The following ABCA4 variants were observed in gnomAD, a reference collection of about 807,000 sequenced individuals.
ABCA4 encodes retinal-specific phospholipid-transporting ATPase ABCA4.
ABCA4 carries 196 observed loss-of-function variants against 263.7 expected under a neutral mutation model. The ratio of observed to expected loss-of-function variants is 0.74; its 90% CI spans 0.66 to 0.84. The LOEUF (loss-of-function observed/expected upper bound fraction) is 0.84. ABCA4 is among the 40% of genes least tolerant of loss of function. The probability of loss-of-function intolerance (pLI) is 0.00; values close to 1 mark genes in which losing one functional copy is unlikely to be tolerated. For synonymous variants in ABCA4, 1,133 were observed against 1,094.2 expected (o/e 1.04, Z -0.70); for missense variants, 2,792 against 2,855.1 (o/e 0.98, Z 0.50).
chr1:94,091,577 TCTCACA>T (rs1354136099), intron 6 of ABCA4, among the ~76,000 whole-genome samples: 48 of 109,086 alleles, frequency 4.4e-4, no homozygotes, highest in African/African-American at 5.2e-4. Context: ...GCAAACATCA[TCTCACA>T]CACACACACA....
At position 94,034,142 on chromosome 1, in the gene ABCA4, G is replaced by T. The variant is rs565448613; in HGVS notation, c.3863-2099C>A. The stretch of plus-strand genomic sequence containing the variant: ...CTGCACAAATGTTTCTTATGATTAG[G>T]CATAATTGAAATCTGTCAGTAACAA... On this transcript the variant is annotated intron_variant, in intron 26 of 49. Coordinates refer to ENST00000370225, the MANE Select transcript of ABCA4 (RefSeq NM_000350.3). Among the ~76,000 whole-genome samples, 33 of 152,206 alleles carry T rather than the reference G, an allele frequency of 2.2e-4. No homozygotes were observed. In the South Asian group the frequency reaches 4.4e-3, roughly 20 times the overall value.
At chr1:93,998,176 A>AAG (rs1418501734) in intron 47 of ABCA4, 66 bp from the exon 48 acceptor site, 1 of 1,610,706 alleles carries the variant, frequency 6.2e-7, no homozygotes, top group African/African-American at 1.3e-5. Flanking sequence ...ATCCCAAAAT[A>AAG]AGGAGTAGAC....
rs991772699 is a variant in ABCA4, at chr1:94,028,927, A to G, written c.4539+518T>C. On this transcript the variant is annotated intron_variant, in intron 30 of 49. Transcript: ENST00000370225. ...GTCTCAAAAAAAAAAAAAAAAAAAA[A>G]AAAGAAATTCAAACAATGGGATAAT... Among the ~76,000 whole-genome samples the G allele has an allele frequency of 5.4e-5, 8 of 146,812 alleles. No individual in the cohort carries two copies. In the East Asian group the frequency reaches 1.2e-3, roughly 21 times the overall value.
At chr1:94,037,117 C>T (rs754798261) in intron 25 of ABCA4, 28 bp downstream of exon 25, 1 of 1,611,104 alleles carries the variant, frequency 6.2e-7, no homozygotes, top group African/African-American at 1.3e-5. Context: ...TGGCACTTGA[C>T]AGAAACCAGC....
intron 18 of ABCA4, 119 bp downstream of exon 18, chr1:94,048,749 G>C: frequency 2.1e-6 from 2 of 942,132 alleles, no homozygotes; most frequent in Non-Finnish European, 3.4e-6. Flanking sequence ...CTTGTCCACA[G>C]AGAGAGTCAG....
rs374432993 is a variant in ABCA4, at chr1:94,060,227, A to T, written c.2160+310T>A. ...GGAAAGAGAAGACCACTTTAATTAC[A>T]CTATCACCCTGTGCAGGGCTCTGCT... On this transcript the variant is annotated intron_variant, in intron 14 of 49. Transcript: ENST00000370225. Among the ~76,000 whole-genome samples, 5 of 152,298 alleles carry T rather than the reference A, an allele frequency of 3.3e-5. No individual in the cohort carries two copies. In the South Asian group the frequency reaches 1.0e-3, roughly 32 times the overall value.
chr1:94,069,309 G>C (rs752115886), intron 11 of ABCA4, among the ~76,000 whole-genome samples: 2 of 152,216 alleles, frequency 1.3e-5, no homozygotes, highest in Non-Finnish European at 2.9e-5. Flanking sequence ...ATGTCCAGTA[G>C]AGGCAGAGAA....
chr1:94,018,074 C>G (rs1342453545), intron 36 of ABCA4, among the ~76,000 whole-genome samples: 2 of 152,174 alleles, frequency 1.3e-5, no homozygotes, highest in African/African-American at 4.8e-5. Context: ...AACATGATGC[C>G]TACCATCTTC....
chr1:94,009,094 C>T (rs1659479180), intron 40 of ABCA4, among the ~76,000 whole-genome samples: 1 of 152,078 alleles, frequency 6.6e-6, no homozygotes, highest in African/African-American at 2.4e-5. Context: ...CAGTCCTGGC[C>T]TCCTCATGTG....
In ABCA4 at chr1:94,010,793, G is replaced by A; in HGVS notation, c.5714+7C>T. The A allele has an allele frequency of 1.2e-6, 2 of 1,614,146 alleles. No individual in the cohort carries two copies. Among genetic ancestry groups the A allele is most frequent in the Non-Finnish European group, 1.7e-6 (2 of 1,180,022 alleles). On this transcript the variant is annotated splice_region_variant and intron_variant, in intron 40 of 49. Transcript: ENST00000370225. Reference sequence around the variant, plus strand: ...GCCCACTGGCCCAGGGTGTGGCATGGACGTACCATTGGGAGAGGAAGAAGT... The same window carrying A: ...GCCCACTGGCCCAGGGTGTGGCATGAACGTACCATTGGGAGAGGAAGAAGT...
intron 41 of ABCA4, 97 bp downstream of exon 41, chr1:94,008,654 T>C (rs1173464362): frequency 5.1e-6 from 8 of 1,554,818 alleles, no homozygotes; most frequent in Non-Finnish European, 7.1e-6. Flanking sequence ...CCAAATTGCT[T>C]GCATAAGCAT....
intron 1 of ABCA4, among the ~76,000 whole-genome samples, chr1:94,114,939 A>G (rs944275212): frequency 2.8e-4 from 42 of 152,240 alleles, no homozygotes; most frequent in African/African-American, 9.4e-4. Flanking sequence ...GGCAGAACTC[A>G]TAATAGGTGC....
intron 37 of ABCA4, 96 bp downstream of exon 37, chr1:94,015,643 C>G: frequency 1.9e-6 from 2 of 1,040,918 alleles, no homozygotes; most frequent in Non-Finnish European, 2.9e-6. Flanking sequence ...GTGCTACCAC[C>G]ACAGGACAGC....
At chr1:94,064,211 C>G (rs561607729) in intron 11 of ABCA4, among the ~76,000 whole-genome samples, 1 of 152,286 alleles carries the variant, frequency 6.6e-6, no homozygotes, top group Non-Finnish European at 1.5e-5. Flanking sequence ...AGAGCCTGGT[C>G]GACTCTAGGA....
At chr1:94,108,739 A>ATTTT (rs1333665831) in intron 3 of ABCA4, 23 bp from the exon 4 acceptor site, 1 of 1,613,244 alleles carries the variant, frequency 6.2e-7, no homozygotes, top group East Asian at 2.2e-5. Flanking sequence ...AGCCTCATTA[A>ATTTT]TAAGGAAATA....
chr1:94,056,904 C>T, intron 14 of ABCA4, 82 bp from the exon 15 acceptor site: 1 of 1,142,358 alleles, frequency 8.8e-7, no homozygotes, highest in Non-Finnish European at 1.3e-6. Flanking sequence ...CTCTCTCCCA[C>T]CAGCCTGCAG....
chr1:94,019,160 C>T (rs1002827920), intron 36 of ABCA4, among the ~76,000 whole-genome samples: 4 of 151,122 alleles, frequency 2.6e-5, no homozygotes, highest in African/African-American at 9.7e-5. Context: ...GACCCTACCA[C>T]AGGGAAAGTT....
In ABCA4 at chr1:94,056,621, C is replaced by T. The variant is rs149214080; in HGVS notation, c.2362G>A (p.Ala788Thr). 6.2e-5 allele frequency: 100 copies of T among 1,613,056 alleles called. No homozygotes were observed. The African/African-American group carries it at 6.9e-4, about 11-fold the overall frequency. The part of the protein sequence containing the change: ...LCFAWQDRMT[A>T]ELKKAVSLLS... ...CTCACCACAGCCTTCTTCAGCTCAGCGGTCATGCGGTCCTGCCAGGCGAAG... is the reference window on the plus strand; with the variant it reads ...CTCACCACAGCCTTCTTCAGCTCAGTGGTCATGCGGTCCTGCCAGGCGAAG... The change falls in exon 15 of 50, where the codon GCT (alanine) becomes ACT (threonine). Residue 788 changes from alanine (A) to threonine (T), a missense_variant. Transcript: ENST00000370225.
At chr1:93,998,138 G>C in intron 47 of ABCA4, 28 bp from the exon 48 acceptor site, 2 of 1,613,962 alleles carry the variant, frequency 1.2e-6, no homozygotes, top group African/African-American at 1.3e-5. Flanking sequence ...TGCAGGACAG[G>C]CCTCTGTTAG....
Sources: allele counts gnomAD v4.1 joint callset (sites outside exome capture counted in the v4.1 genomes callset), GRCh38; gene constraint gnomAD v4.1.1; transcripts MANE v1.5; gene names NCBI Gene and HGNC (gene_info 2026-07-23, HGNC 2026-07-21).